The following ASCC2 variants were observed in gnomAD, a reference collection of about 807,000 sequenced individuals.
ASCC2 encodes the protein ASC-1 complex subunit P100.
In ASCC2, 42 loss-of-function variants were observed where a neutral mutation model predicts 93.5. The ratio of observed to expected loss-of-function variants is 0.45; its 90% confidence interval spans 0.35 to 0.58. ASCC2 has a LOEUF of 0.58. ASCC2 is among the 20% of genes least tolerant of loss of function. The pLI is 0.00. For synonymous variants in ASCC2, 364 were observed against 384.2 expected (o/e 0.95, Z 0.62); for missense variants, 859 against 977.6 (o/e 0.88, Z 1.62).
intron 13 of ASCC2, among the ~76,000 whole-genome samples, chr22:29,804,345 G>C (rs2059429332): frequency 6.6e-6 from 1 of 152,174 alleles, no homozygotes; most frequent in South Asian, 2.1e-4. Flanking sequence ...CTCCGGGAAG[G>C]GCTCATGGAA....
intron 1 of ASCC2, among the ~76,000 whole-genome samples, chr22:29,837,180 C>T (rs2063906063): frequency 2.0e-5 from 3 of 151,982 alleles, no homozygotes. Flanking sequence ...CCTGTAATCC[C>T]AGCGCTTTGG....
intron 2 of ASCC2, chr22:29,827,400 C>T: frequency 3.0e-6 from 1 of 332,860 alleles, no homozygotes; most frequent in South Asian, 2.6e-5. Context: ...GTCTGTTGAT[C>T]CAGGGGATAT....
intron 8 of ASCC2, among the ~76,000 whole-genome samples, chr22:29,810,786 A>C (rs2060196004): frequency 6.6e-6 from 1 of 151,410 alleles, no homozygotes; most frequent in African/African-American, 2.4e-5. Context: ...GCTGGAGGGC[A>C]GTGGTGCAAT....
intron 13 of ASCC2, among the ~76,000 whole-genome samples, chr22:29,803,269 AC>A (rs2059315887): frequency 1.3e-5 from 2 of 151,542 alleles, no homozygotes; most frequent in African/African-American, 2.4e-5. Flanking sequence ...AAAACAAAAA[AC>A]AAACAAACAA....
intron 8 of ASCC2, among the ~76,000 whole-genome samples, chr22:29,812,332 T>C (rs1419743785): frequency 6.6e-6 from 1 of 152,146 alleles, no homozygotes; most frequent in Non-Finnish European, 1.5e-5. Context: ...AATACGCAGG[T>C]TGCCAACCCT....
intron 9 of ASCC2, 49 bp downstream of exon 9, chr22:29,808,062 C>A (rs745490881): frequency 1.9e-6 from 3 of 1,590,538 alleles, no homozygotes; most frequent in Non-Finnish European, 1.7e-6. Flanking sequence ...GGGCCCTGCT[C>A]GGGCCTCTCT....
At chr22:29,811,140 G>C (rs577257334) in intron 8 of ASCC2, among the ~76,000 whole-genome samples, 4 of 152,342 alleles carry the variant, frequency 2.6e-5, no homozygotes, top group African/African-American at 9.6e-5. Flanking sequence ...AAAGACATTA[G>C]AGAAAGGGTG....
intron 15 of ASCC2, among the ~76,000 whole-genome samples, chr22:29,799,702 G>A (rs1397390708): frequency 6.6e-6 from 1 of 152,202 alleles, no homozygotes; most frequent in African/African-American, 2.4e-5. Context: ...TTATTTTGCT[G>A]TTCTCTACTT....
intron 8 of ASCC2, among the ~76,000 whole-genome samples, chr22:29,811,631 G>T (rs113763920): frequency 4.6e-5 from 7 of 152,320 alleles, no homozygotes; most frequent in African/African-American, 1.4e-4. Flanking sequence ...CAGCCCCAGG[G>T]TGTTCGTGGG....
Position 29,816,030 on chromosome 22 carries a change from A to C in ASCC2, c.585T>G (p.Asp195Glu). Reference protein sequence around the residue: ...TQQPSYYSDLDETLPTILQVF... With the variant: ...TQQPSYYSDLEETLPTILQVF... ...CCTGAAGGATGGTAGGCAGGGTTTC[A>C]TCCAGGTCACTGTAGTAACTTGGCT... Residue 195 changes from aspartate to glutamate, a missense_variant, in exon 6 of 20, where the codon GAT becomes GAG. By Grantham distance (45) the Asp-to-Glu change is conservative (BLOSUM62 2). Transcript: ENST00000307790. 2 of 1,598,672 alleles carry C rather than the reference A, an allele frequency of 1.3e-6. No individual in the cohort carries two copies. The highest frequency in any genetic ancestry group is 1.7e-6 in the Non-Finnish European group (2 of 1,172,148).
rs751079256 is a variant in ASCC2 at position 29,814,764 on chromosome 22, A to G, written c.613T>C (p.Phe205Leu). ...DETLPTILQV[F>L]SNILQHCGLQ... ...CCACAGTGCTGGAGGATATTGCTGA[A>G]GACCTGTGAAAGACAAGAACGGGCT... The change falls in exon 7 of 20, where the codon TTC becomes CTC. Residue 205 changes from phenylalanine (F) to leucine (L), a missense_variant. By Grantham distance (22) the Phe-to-Leu change is conservative. Coordinates refer to ENST00000307790, the MANE Select transcript of ASCC2 (RefSeq NM_032204.5). 1.9e-6 allele frequency: 3 copies of G among 1,610,282 alleles called. No individual in the cohort carries two copies. Among genetic ancestry groups the G allele is most frequent in the Non-Finnish European group, 2.5e-6 (3 of 1,178,146 alleles).
intron 2 of ASCC2, among the ~76,000 whole-genome samples, chr22:29,827,244 A>G (rs1261157076): frequency 6.6e-6 from 1 of 151,994 alleles, no homozygotes; most frequent in Non-Finnish European, 1.5e-5. Flanking sequence ...TGCCATGAAC[A>G]AACCTTACTT....
At chr22:29,795,309 G>C (rs2058297071) in intron 15 of ASCC2, among the ~76,000 whole-genome samples, 1 of 152,096 alleles carries the variant, frequency 6.6e-6, no homozygotes, top group Non-Finnish European at 1.5e-5. Context: ...GTGATCCTCT[G>C]CTTCAGCCTT....
rs182890242 is a variant in ASCC2, at chr22:29,810,946, G to T, written c.833+2484C>A. ...GGGTTTCACCATGTTGGCCAGGCTG[G>T]TCTCGAACTCCTGACCCCAAGTGGT... On this transcript the variant is annotated intron_variant, in intron 8 of 19. Transcript: ENST00000307790. 3.9e-4 allele frequency among the ~76,000 whole-genome samples: 59 copies of T among 152,248 alleles called. No homozygotes were observed. The East Asian group carries it at 9.5e-3, about 24-fold the overall frequency.
rs537037042 is a variant in ASCC2 at position 29,789,074 on chromosome 22, G to C, written c.2213C>G (p.Ala738Gly). 7.2e-5 allele frequency: 117 copies of C among 1,614,164 alleles called. No homozygotes were observed. In the South Asian group the frequency reaches 1.2e-3, roughly 17 times the overall value. Reference sequence around the variant, plus strand: ...GGCCATGGTTCTCCGGTTGTGGTTGGCTCTTGTCGCCTTGTTGGCTTCCTT... The same window carrying C: ...GGCCATGGTTCTCCGGTTGTGGTTGCCTCTTGTCGCCTTGTTGGCTTCCTT... ...RKKEANKATRANHNRRTMADR... is the reference protein window; with the variant it reads ...RKKEANKATRGNHNRRTMADR... Residue 738 changes from alanine (A) to glycine (G), a missense_variant, in exon 20 of 20, where the codon GCC (alanine) becomes GGC (glycine). Physicochemically the swap from Ala to Gly is moderately conservative, Grantham distance 60. Transcript: ENST00000307790.
At chr22:29,792,618 G>A (rs745489438) in intron 17 of ASCC2, 83 bp from the exon 18 acceptor site, 41 of 1,574,578 alleles carry the variant, frequency 2.6e-5, no homozygotes, top group African/African-American at 4.1e-5. Context: ...CTGGTTGGGT[G>A]AGATGGGGCC....
intron 2 of ASCC2, among the ~76,000 whole-genome samples, chr22:29,830,731 G>A (rs1461907217): frequency 6.6e-6 from 1 of 152,250 alleles, no homozygotes; most frequent in Non-Finnish European, 1.5e-5. Context: ...TTCAAGGGCA[G>A]AGACCATGTC....
Position 29,825,963 on chromosome 22 carries a change from G to A in ASCC2, c.82-183C>T, listed in dbSNP as rs1415445898. The A allele has an allele frequency of 1.4e-5, 8 of 581,908 alleles. No individual in the cohort carries two copies. The East Asian group carries it at 2.4e-4, about 18-fold the overall frequency. 36.0% of individuals were successfully genotyped at this position (581,908 alleles called of 1,614,324 possible). On this transcript the variant is annotated intron_variant, in intron 2 of 19. Coordinates refer to ENST00000307790, the MANE Select transcript of ASCC2 (RefSeq NM_032204.5). The surrounding 1 kb of genome is among the most constrained non-coding windows in gnomAD (Gnocchi z 4.9). ...GGTTGCATTCAGCGAACACTAGGCG[G>A]TAATTAAAATCCATGTTTTCGGAGT... is the stretch of plus-strand genomic sequence containing the variant.
rs142732987 is a variant in ASCC2 at position 29,814,544 on chromosome 22, C to T, written c.720+113G>A. On this transcript the variant is annotated intron_variant, in intron 7 of 19. Transcript: ENST00000307790. The stretch of plus-strand genomic sequence containing the variant: ...CTGTGCTGGAGGAAGGGGCCCTGGG[C>T]AGGGAAGAGGCCACTGGGTCCTCTA... 222 of 758,144 alleles carry T rather than the reference C, an allele frequency of 2.9e-4. No individual in the cohort carries two copies. In the East Asian group the frequency reaches 5.4e-3, roughly 19 times the overall value. The allele number at this position is 758,144 out of a possible 1,614,324, so 47.0% of individuals were successfully genotyped here.
Sources: gnomAD v4.1 joint callset for allele counts (sites outside exome capture counted in the v4.1 genomes callset) on GRCh38, gnomAD v4.1.1 for gene constraint, Gnocchi (gnomAD v3.1) non-coding constraint, MANE v1.5 for transcripts, NCBI Gene and HGNC (gene_info 2026-07-23, HGNC 2026-07-21) for gene names.